The following STX8 variants were observed in gnomAD, a reference collection of about 807,000 sequenced individuals.
STX8 encodes syntaxin 8.
A neutral mutation model predicts 37.5 loss-of-function variants in STX8; 23 were observed. The observed-to-expected ratio is 0.61, with a 90% CI of 0.44 to 0.87. The LOEUF (loss-of-function observed/expected upper bound fraction) is 0.87. STX8 is among the 40% of genes least tolerant of loss of function. The pLI, the probability that STX8 is intolerant of heterozygous loss-of-function variation, is 0.00. For missense variants in STX8, 313 were observed against 284.7 expected (o/e 1.10, Z -0.71); for synonymous variants, 115 against 99.1 (o/e 1.16, Z -0.95).
rs746703624 is a variant in STX8, at chr17:9,337,893, A to AG, written c.643+40658dup. Among the ~76,000 whole-genome samples, 10 of 152,188 alleles carry AG rather than the reference A, an allele frequency of 6.6e-5. No individual in the cohort carries two copies. The East Asian group carries it at 1.9e-3, about 29-fold the overall frequency. ...GTGGCTGGATCCTAGTCCATGGAAG[A>AG]GAAAAAGAAAGTGTGTATTGAGAAA... is the stretch of plus-strand genomic sequence containing the variant. On this transcript the variant is annotated intron_variant, in intron 7 of 7. Coordinates refer to ENST00000306357, the MANE Select transcript of STX8 (RefSeq NM_004853.3).
intron 6 of STX8, among the ~76,000 whole-genome samples, chr17:9,449,721 A>T (rs1487709199): frequency 6.6e-6 from 1 of 152,086 alleles, no homozygotes; most frequent in Non-Finnish European, 1.5e-5. Context: ...TACAAACTTC[A>T]CAATTCTATT....
intron 6 of STX8, among the ~76,000 whole-genome samples, chr17:9,458,852 C>T (rs539763174): frequency 2.5e-4 from 34 of 134,286 alleles, no homozygotes; most frequent in Non-Finnish European, 4.4e-4. Context: ...TTTTTTGAGA[C>T]GGAGTCTCAC....
At chr17:9,460,141 A>G (rs2142417792) in intron 6 of STX8, among the ~76,000 whole-genome samples, 1 of 152,296 alleles carries the variant, frequency 6.6e-6, no homozygotes, top group East Asian at 1.9e-4. Context: ...TTGAGTATAC[A>G]TCTTTGGGAA....
intron 7 of STX8, among the ~76,000 whole-genome samples, chr17:9,321,673 C>T (rs1288747076): frequency 6.6e-6 from 1 of 151,798 alleles, no homozygotes; most frequent in East Asian, 2.0e-4. Context: ...GTGCACACCA[C>T]CACCCTGGCT....
intron 7 of STX8, among the ~76,000 whole-genome samples, chr17:9,367,476 T>C (rs1911264623): frequency 6.6e-6 from 1 of 152,090 alleles, no homozygotes; most frequent in Non-Finnish European, 1.5e-5. Flanking sequence ...GGCCCCATGG[T>C]TATAAGGCAG....
chr17:9,276,102 CCT>C (rs35713041), intron 7 of STX8, among the ~76,000 whole-genome samples: 73,053 of 151,618 alleles, frequency 0.48, 18,695 homozygotes, highest in East Asian at 0.6. Context: ...CTATCTACCC[CCT>C]GATCCCACCC....
At chr17:9,360,396 A>C (rs1274658215) in intron 7 of STX8, among the ~76,000 whole-genome samples, 1 of 151,608 alleles carries the variant, frequency 6.6e-6, no homozygotes, top group Non-Finnish European at 1.5e-5. Context: ...CACCACGCCC[A>C]GCTCATTTTT....
intron 4 of STX8, among the ~76,000 whole-genome samples, chr17:9,536,989 AC>A (rs1294330596): frequency 3.3e-5 from 5 of 151,254 alleles, no homozygotes; most frequent in African/African-American, 4.9e-5. Context: ...CTCGTGATCC[AC>A]CCCCGCCCTG....
chr17:9,403,626 A>G (rs188352735), intron 6 of STX8, among the ~76,000 whole-genome samples: 28 of 151,944 alleles, frequency 1.8e-4, no homozygotes, highest in Middle Eastern at 3.4e-3. Context: ...GACACCCAGC[A>G]AAGTTGAACA....
intron 7 of STX8, among the ~76,000 whole-genome samples, chr17:9,256,802 C>T (rs963521848): frequency 2.0e-5 from 3 of 152,218 alleles, no homozygotes; most frequent in Non-Finnish European, 2.9e-5. Flanking sequence ...GACCTCACAT[C>T]GTACTCGGTC....
chr17:9,295,187 A>G (rs1908470581), intron 7 of STX8, among the ~76,000 whole-genome samples: 1 of 152,186 alleles, frequency 6.6e-6, no homozygotes, highest in Non-Finnish European at 1.5e-5. Context: ...CACCTCTTCT[A>G]TGAGGTCTTT....
At chr17:9,494,285 G>C (rs1415128506) in intron 5 of STX8, among the ~76,000 whole-genome samples, 1 of 151,412 alleles carries the variant, frequency 6.6e-6, no homozygotes, top group Non-Finnish European at 1.5e-5. Flanking sequence ...AAAGTGCTGG[G>C]ATTACAGGCG....
Position 9,539,541 on chromosome 17 carries a change from T to C in STX8, c.323+5631A>G, listed in dbSNP as rs75090815. Among the ~76,000 whole-genome samples the C allele has an allele frequency of 9.5e-3, 1,453 of 152,330 alleles. 32 individuals carry two copies. Among genetic ancestry groups the C allele is most frequent in the African/African-American group, 0.033 (1,355 of 41,564 alleles). ...GCATTCCTGACAAAATGTGCCATAG[T>C]GAGCACGTCTATAACATTTCAAAGT... On this transcript the variant is annotated intron_variant, in intron 4 of 7. Coordinates refer to ENST00000306357, the MANE Select transcript of STX8 (RefSeq NM_004853.3).
chr17:9,384,116 C>T (rs1567806138), intron 6 of STX8, among the ~76,000 whole-genome samples: 1 of 143,720 alleles, frequency 7.0e-6, no homozygotes. Flanking sequence ...TATCCTCACC[C>T]TCATTTGTTA....
intron 6 of STX8, among the ~76,000 whole-genome samples, chr17:9,450,372 G>A (rs191143083): frequency 1.3e-5 from 2 of 151,966 alleles, no homozygotes; most frequent in East Asian, 3.9e-4. Flanking sequence ...CACCACGCCT[G>A]ACCTTACATG....
chr17:9,471,031 C>CTTTTTTTTTTTTTTTTTTTTTTTTTT lies in STX8; in HGVS notation c.541+20797_541+20798insAAAAAAAAAAAAAAAAAAAAAAAAAA, dbSNP rs757411419. ...TACAGGCGTGAGCCACTGCATCCTG[C>CTTTTTTTTTTTTTTTTTTTTTTTTTT]TTTTTTTTTTTTTTTTTTTTTTTGA... On this transcript the variant is annotated intron_variant, in intron 6 of 7. Transcript: ENST00000306357. Among the ~76,000 whole-genome samples the CTTTTTTTTTTTTTTTTTTTTTTTTTT allele has an allele frequency of 1.7e-3, 55 of 33,052 alleles. 13 individuals are homozygous for CTTTTTTTTTTTTTTTTTTTTTTTTTT. The highest frequency in any genetic ancestry group is 3.8e-3 in the East Asian group (4 of 1,066). 21.7% of individuals were successfully genotyped at this position (33,052 alleles called of 152,430 possible). A position where few individuals can be genotyped will look rare whatever the true frequency, so the allele number is the denominator to read the frequency against.
intron 7 of STX8, among the ~76,000 whole-genome samples, chr17:9,321,693 T>A (rs937237502): frequency 1.3e-5 from 2 of 151,848 alleles, no homozygotes; most frequent in Non-Finnish European, 2.9e-5. Flanking sequence ...TAATTTTTTA[T>A]ATCTTTAGTA....
chr17:9,287,792 G>A (rs547226824), intron 7 of STX8, among the ~76,000 whole-genome samples: 6 of 151,350 alleles, frequency 4.0e-5, no homozygotes, highest in South Asian at 2.1e-4. Flanking sequence ...TCACTCGGTC[G>A]CCAGACTGGA....
At chr17:9,504,796 A>C (rs79635926) in intron 5 of STX8, among the ~76,000 whole-genome samples, 9 of 151,596 alleles carry the variant, frequency 5.9e-5, no homozygotes, top group Admixed American at 4.6e-4. Flanking sequence ...AACAGGGTGA[A>C]ACCCTGTCTG....
Sources: allele counts gnomAD v4.1 joint callset (sites outside exome capture counted in the v4.1 genomes callset), GRCh38; gene constraint gnomAD v4.1.1; transcripts MANE v1.5; gene names NCBI Gene and HGNC (gene_info 2026-07-23, HGNC 2026-07-21).